WDR82: variants seen among roughly 807,000 people sequenced by gnomAD.
WDR82 encodes WD repeat domain 82.
In WDR82, 8 loss-of-function variants were observed where a neutral mutation model predicts 36.1. The observed-to-expected ratio is 0.22, with a 90% confidence interval of 0.13 to 0.40. The LOEUF (loss-of-function observed/expected upper bound fraction) is 0.40. WDR82 is among the 10% of genes least tolerant of loss of function. The pLI is 1.00. For synonymous variants in WDR82, 129 were observed against 137.8 expected (o/e 0.94, Z 0.45); for missense variants, 185 against 400.5 (o/e 0.46, Z 4.59).
Position 52,261,762 on chromosome 3 carries a change from AAGAG to A in WDR82, c.327-287_327-284del, listed in dbSNP as rs1320699003. Among the ~76,000 whole-genome samples, 4 of 152,214 alleles carry A rather than the reference AAGAG, an allele frequency of 2.6e-5. No individual in the cohort carries two copies. In the East Asian group the frequency reaches 7.7e-4, roughly 29 times the overall value. ...CCACACCCTCTAGCATAGCTATAAT[AAGAG>A]AGATAACAAGTGTTGGTGAGGATGC... is the stretch of plus-strand genomic sequence containing the variant. On this transcript the variant is annotated intron_variant, in intron 3 of 8. Coordinates refer to ENST00000296490, the MANE Select transcript of WDR82 (RefSeq NM_025222.4).
At chr3:52,273,226 C>T (rs1014747007) in intron 1 of WDR82, among the ~76,000 whole-genome samples, 1 of 152,228 alleles carries the variant, frequency 6.6e-6, no homozygotes, top group African/African-American at 2.4e-5. Context: ...GGTCAGGAGT[C>T]TGAGACCAGC....
chr3:52,268,038 GGGGGAATA>G (rs558177347), intron 2 of WDR82: 80 of 224,480 alleles, frequency 3.6e-4, no homozygotes, highest in African/African-American at 1.7e-3. Flanking sequence ...TAACTTGGGA[GGGGGAATA>G]GGGGAATAGG....
chr3:52,264,556 GA>G (rs754868143), intron 3 of WDR82, among the ~76,000 whole-genome samples: 2 of 152,144 alleles, frequency 1.3e-5, no homozygotes, highest in African/African-American at 4.8e-5. Context: ...GTGGAGATGG[GA>G]ATGTACAGAT....
chr3:52,276,945 A>G (rs1316775938), intron 1 of WDR82, among the ~76,000 whole-genome samples: 2 of 151,942 alleles, frequency 1.3e-5, no homozygotes, highest in African/African-American at 2.4e-5. Context: ...CCAAACTAGC[A>G]TTACTTCAGA....
chr3:52,265,373 T>C (rs1432809852), intron 3 of WDR82, among the ~76,000 whole-genome samples: 1 of 139,070 alleles, frequency 7.2e-6, no homozygotes, highest in Non-Finnish European at 1.5e-5. Flanking sequence ...TTGGGAAGAC[T>C]GGAAAGCACG....
chr3:52,274,618 G>A (rs1367753881), intron 1 of WDR82, among the ~76,000 whole-genome samples: 1 of 151,938 alleles, frequency 6.6e-6, no homozygotes, highest in African/African-American at 2.4e-5. Context: ...AACAGGGCCG[G>A]GTGCGGAGGC....
chr3:52,270,701 G>C lies in WDR82; in HGVS notation c.259+11C>G, dbSNP rs1700145842. ...AACCATGACCTTAACTTCCTAAAAA[G>C]GCTTGCTTACCGTCTATTTTGTTAG... On this transcript the variant is annotated intron_variant, in intron 2 of 8. Coordinates refer to ENST00000296490, the MANE Select transcript of WDR82 (RefSeq NM_025222.4). The C allele has an allele frequency of 6.3e-7, 1 of 1,599,180 alleles. No individual in the cohort carries two copies.
chr3:52,261,117 C>A (rs1285467125), intron 4 of WDR82, among the ~76,000 whole-genome samples: 2 of 152,134 alleles, frequency 1.3e-5, no homozygotes, highest in Non-Finnish European at 2.9e-5. Context: ...AAGAGCGAAA[C>A]CCTGTCTCAA....
intron 2 of WDR82, among the ~76,000 whole-genome samples, chr3:52,269,200 C>A (rs1277350461): frequency 6.6e-6 from 1 of 152,164 alleles, no homozygotes; most frequent in African/African-American, 2.4e-5. Flanking sequence ...CCTGGCCGGG[C>A]GTGGTGGTTC....
At chr3:52,262,212 TA>T (rs567034794) in intron 3 of WDR82, among the ~76,000 whole-genome samples, 1 of 152,206 alleles carries the variant, frequency 6.6e-6, no homozygotes, top group Non-Finnish European at 1.5e-5. Context: ...GGCAAATCTA[TA>T]AAGACAGAAG....
chr3:52,263,497 A>G (rs1700079165), intron 3 of WDR82, among the ~76,000 whole-genome samples: 1 of 152,254 alleles, frequency 6.6e-6, no homozygotes, highest in Admixed American at 6.5e-5. Context: ...TTGTGAAGCA[A>G]TCAAACTGCA....
intron 1 of WDR82, among the ~76,000 whole-genome samples, chr3:52,274,623 G>A (rs978710704): frequency 6.6e-6 from 1 of 151,382 alleles, no homozygotes; most frequent in Admixed American, 6.6e-5. Flanking sequence ...GGCCGGGTGC[G>A]GAGGCTCACA....
chr3:52,278,436 G>A lies in WDR82; in HGVS notation c.-75C>T, dbSNP rs902435928. 3.5e-6 allele frequency: 4 copies of A among 1,156,978 alleles called. No individual in the cohort carries two copies. The highest frequency in any genetic ancestry group is 4.3e-6 in the Non-Finnish European group (4 of 936,974). 71.7% of individuals were successfully genotyped at this position (1,156,978 alleles called of 1,614,324 possible). ...GCGGCGAGCGGGCGGGCTGCCGAGG[G>A]GCCAACCCAGGCGGGGCGGGCGCCG... is the stretch of plus-strand genomic sequence containing the variant. On this transcript the variant is annotated 5_prime_UTR_variant, in exon 1 of 9. Coordinates refer to ENST00000296490, the MANE Select transcript of WDR82 (RefSeq NM_025222.4).
At chr3:52,267,255 C>T in intron 2 of WDR82, 1 of 337,998 alleles carries the variant, frequency 3.0e-6, no homozygotes, top group Non-Finnish European at 5.5e-6. Context: ...TTTGAAATGA[C>T]CTTTTATTAC....
intron 2 of WDR82, chr3:52,268,237 G>A (rs1272324695): frequency 2.4e-5 from 11 of 453,148 alleles, no homozygotes; most frequent in Non-Finnish European, 5.1e-5. Context: ...GCAGGGTGAC[G>A]CCATCCTCTC....
At chr3:52,275,648 G>A (rs1178603757) in intron 1 of WDR82, among the ~76,000 whole-genome samples, 1 of 152,180 alleles carries the variant, frequency 6.6e-6, no homozygotes, top group Non-Finnish European at 1.5e-5. Flanking sequence ...CACTTTGGGA[G>A]GCTGAGGCGG....
chr3:52,257,622 G>T, intron 8 of WDR82, 103 bp from the exon 9 acceptor site: 1 of 1,416,648 alleles, frequency 7.1e-7, no homozygotes, highest in Non-Finnish European at 9.8e-7. Context: ...AACCCCAGTG[G>T]CTCTGGTAGC....
intron 3 of WDR82, among the ~76,000 whole-genome samples, chr3:52,261,803 A>C (rs1162986148): frequency 6.6e-6 from 1 of 152,218 alleles, no homozygotes; most frequent in Non-Finnish European, 1.5e-5. Context: ...GAGAAATTGG[A>C]ACCCTCATAC....
At chr3:52,266,673 A>C (rs1335015373) in intron 3 of WDR82, among the ~76,000 whole-genome samples, 2 of 152,072 alleles carry the variant, frequency 1.3e-5, no homozygotes, top group African/African-American at 2.4e-5. Flanking sequence ...CCCGGCCTCA[A>C]GTGATCCGCC....
Sources: allele counts gnomAD v4.1 joint callset (sites outside exome capture counted in the v4.1 genomes callset), GRCh38; gene constraint gnomAD v4.1.1; transcripts MANE v1.5; gene names NCBI Gene and HGNC (gene_info 2026-07-23, HGNC 2026-07-21).